Variants in UBE2B observed in about 807,000 individuals in gnomAD.
UBE2B encodes the protein ubiquitin conjugating enzyme E2 B.
Under a neutral mutation model 24.6 loss-of-function variants are expected in UBE2B, and 11 were observed. The observed-to-expected ratio is 0.45, with a 90% CI of 0.28 to 0.74. The LOEUF (loss-of-function observed/expected upper bound fraction) is 0.74, where lower values mean the gene tolerates loss of function less well. UBE2B is among the 30% of genes least tolerant of loss of function. The probability of loss-of-function intolerance (pLI) is 0.13; values close to 1 mark genes in which losing one functional copy is unlikely to be tolerated. For missense variants in UBE2B, 78 were observed against 185.6 expected (o/e 0.42, Z 3.37); for synonymous variants, 68 against 62.4 (o/e 1.09, Z -0.42).
chr5:134,388,547 G>A (rs1043581454), intron 5 of UBE2B, 134 bp downstream of exon 5: 1 of 772,816 alleles, frequency 1.3e-6, no homozygotes, highest in African/African-American at 1.7e-5. Context: ...TCTTTCAGTA[G>A]TGCCTACTTG....
intron 4 of UBE2B, among the ~76,000 whole-genome samples, chr5:134,383,794 T>C (rs576020037): frequency 6.6e-5 from 10 of 152,184 alleles, no homozygotes; most frequent in Admixed American, 5.9e-4. Context: ...AATTATTATT[T>C]TGATTGAGTT....
intron 2 of UBE2B, among the ~76,000 whole-genome samples, chr5:134,376,443 GT>G (rs1465709041): frequency 1.0e-4 from 14 of 137,064 alleles, no homozygotes; most frequent in Non-Finnish European, 2.0e-4. Context: ...TTTTTGTTTG[GT>G]TTGGTAAAAC....
intron 4 of UBE2B, among the ~76,000 whole-genome samples, chr5:134,382,501 A>G (rs1391368635): frequency 6.6e-6 from 1 of 151,976 alleles, no homozygotes; most frequent in Non-Finnish European, 1.5e-5. Flanking sequence ...GACCACACAC[A>G]GTGGTTCATG....
intron 5 of UBE2B, chr5:134,388,940 T>G (rs961354225): frequency 1.4e-5 from 4 of 292,002 alleles, no homozygotes; most frequent in African/African-American, 3.8e-5. Flanking sequence ...TCACACTTCT[T>G]TAATTGTTTT....
At position 134,376,348 on chromosome 5, in the gene UBE2B, A is replaced by AATATATATAT. The variant is rs1190025064; in HGVS notation, c.126-313_126-304dup. ...AAAAAAAAAAAAAAAAAAAAAAAAAAATATATATATATATATACACATATG... is the reference window on the plus strand; with the variant it reads ...AAAAAAAAAAAAAAAAAAAAAAAAAAATATATATATATATATATATATATATACACATATG... On this transcript the variant is annotated intron_variant, in intron 2 of 5. Coordinates refer to ENST00000265339, the MANE Select transcript of UBE2B (RefSeq NM_003337.4). Among the ~76,000 whole-genome samples the AATATATATAT allele has an allele frequency of 5.9e-3, 28 of 4,768 alleles. 2 individuals carry two copies. Among genetic ancestry groups the AATATATATAT allele is most frequent in the Admixed American group, 0.013 (3 of 234 alleles). 3.1% of individuals were successfully genotyped at this position (4,768 alleles called of 152,430 possible).
chr5:134,380,906 C>A, intron 4 of UBE2B, 98 bp downstream of exon 4: 1 of 656,286 alleles, frequency 1.5e-6, no homozygotes, highest in Non-Finnish European at 2.7e-6. Flanking sequence ...TTAGGGCTCA[C>A]TTGTAGGTGT....
chr5:134,380,961 T>G (rs1487764252), intron 4 of UBE2B, among the ~76,000 whole-genome samples, 153 bp downstream of exon 4: 1 of 125,848 alleles, frequency 7.9e-6, no homozygotes, highest in South Asian at 2.8e-4. Flanking sequence ...GTGGATTTTT[T>G]TTTTTTTTTT....
intron 2 of UBE2B, among the ~76,000 whole-genome samples, chr5:134,376,153 G>T (rs1168790092): frequency 6.7e-6 from 1 of 149,516 alleles, no homozygotes; most frequent in Non-Finnish European, 1.5e-5. Flanking sequence ...GGCCAATATG[G>T]TGAAACCCCG....
At chr5:134,388,091 C>T (rs1381712812) in intron 4 of UBE2B, 3 of 528,962 alleles carry the variant, frequency 5.7e-6, no homozygotes, top group Non-Finnish European at 1.0e-5. Context: ...CGTGAGCCAC[C>T]GTGCCCAGCC....
rs879574737 is a variant in UBE2B at position 134,382,773 on chromosome 5, C to CA, written c.241+1977dup. Among the ~76,000 whole-genome samples the CA allele has an allele frequency of 4.2e-3, 528 of 125,522 alleles. 2 individuals carry two copies. The highest frequency in any genetic ancestry group is 0.012 in the African/African-American group (416 of 33,786). 82.3% of individuals were successfully genotyped at this position (125,522 alleles called of 152,430 possible). On this transcript the variant is annotated intron_variant, in intron 4 of 5. Coordinates refer to ENST00000265339, the MANE Select transcript of UBE2B (RefSeq NM_003337.4). ...TGGGTGACAAAGCAAGACCCTATCT[C>CA]AAAAAAAAAAAAGAAAATTGGGATG...
chr5:134,383,474 T>G (rs1409542832), intron 4 of UBE2B, among the ~76,000 whole-genome samples: 1 of 84,382 alleles, frequency 1.2e-5, no homozygotes, highest in Non-Finnish European at 2.2e-5. Context: ...CATACCCAGC[T>G]TTTTTTTTTT....
intron 3 of UBE2B, among the ~76,000 whole-genome samples, chr5:134,379,024 T>G (rs1758656634): frequency 6.6e-6 from 1 of 152,196 alleles, no homozygotes; most frequent in African/African-American, 2.4e-5. Context: ...AAATAACAGC[T>G]TCCTGATACT....
intron 2 of UBE2B, among the ~76,000 whole-genome samples, chr5:134,375,382 GC>G (rs1305077974): frequency 2.0e-5 from 3 of 151,966 alleles, no homozygotes; most frequent in African/African-American, 7.2e-5. Context: ...CTAGAGTTTT[GC>G]ATTAAAAAGT....
chr5:134,386,079 C>T (rs1460746595), intron 4 of UBE2B, among the ~76,000 whole-genome samples: 1 of 151,748 alleles, frequency 6.6e-6, no homozygotes, highest in Non-Finnish European at 1.5e-5. Flanking sequence ...GTAATCCCAG[C>T]ACTTTGGGAG....
chr5:134,378,659 GTTGT>G (rs1758650377), intron 3 of UBE2B, among the ~76,000 whole-genome samples: 1 of 149,470 alleles, frequency 6.7e-6, no homozygotes, highest in Admixed American at 6.8e-5. Flanking sequence ...CACTTCTACA[GTTGT>G]TTGAGTTGCA....
At chr5:134,388,127 A>G (rs1758836278) in intron 4 of UBE2B, 198 bp from the exon 5 acceptor site, 2 of 587,810 alleles carry the variant, frequency 3.4e-6, no homozygotes, top group Admixed American at 5.7e-5. Flanking sequence ...TCAACATGAG[A>G]TTTGGAGGGA....
chr5:134,384,121 A>G (rs1310402284), intron 4 of UBE2B, among the ~76,000 whole-genome samples: 1 of 152,210 alleles, frequency 6.6e-6, no homozygotes, highest in Non-Finnish European at 1.5e-5. Context: ...TCAGTCTCAC[A>G]GCCTTTGCTC....
chr5:134,383,309 TAA>T (rs1455870726), intron 4 of UBE2B, among the ~76,000 whole-genome samples: 1 of 152,122 alleles, frequency 6.6e-6, no homozygotes, highest in East Asian at 1.9e-4. Flanking sequence ...TTAAAAATCT[TAA>T]AAATTTTTTT....
At chr5:134,387,004 G>A (rs1397662728) in intron 4 of UBE2B, among the ~76,000 whole-genome samples, 2 of 150,934 alleles carry the variant, frequency 1.3e-5, no homozygotes, top group African/African-American at 4.9e-5. Flanking sequence ...CTGTCGCCCA[G>A]GCTGGAGTGC....
Sources: allele counts gnomAD v4.1 joint callset (sites outside exome capture counted in the v4.1 genomes callset), GRCh38; gene constraint gnomAD v4.1.1; transcripts MANE v1.5; gene names NCBI Gene and HGNC (gene_info 2026-07-23, HGNC 2026-07-21).